The following CPNE4 variants were observed in gnomAD, a reference collection of about 807,000 sequenced individuals.
CPNE4 encodes copine-4.
CPNE4 carries 25 observed loss-of-function variants against 67.9 expected under a neutral mutation model. That is an observed-to-expected ratio of 0.37 (90% CI 0.27 to 0.51). The LOEUF is 0.51. Among genes scored for constraint, CPNE4 ranks in the 20% least tolerant of loss-of-function variants. The probability of loss-of-function intolerance (pLI) is 0.93; values close to 1 mark genes in which losing one functional copy is unlikely to be tolerated. For missense variants in CPNE4, 464 were observed against 690.8 expected (o/e 0.67, Z 3.68); for synonymous variants, 242 against 244.9 (o/e 0.99, Z 0.11).
chr3:131,868,804 T>C (rs1215778029), intron 2 of CPNE4, among the ~76,000 whole-genome samples: 1 of 152,070 alleles, frequency 6.6e-6, no homozygotes, highest in Non-Finnish European at 1.5e-5. Context: ...GATTAGAACA[T>C]CGCAGGAGTA....
At chr3:131,956,151 TTA>T (rs964049785) in intron 1 of CPNE4, among the ~76,000 whole-genome samples, 3 of 152,222 alleles carry the variant, frequency 2.0e-5, no homozygotes, top group Admixed American at 1.3e-4. Context: ...ATTTATGGTC[TTA>T]AATAAGATCA....
chr3:131,647,811 G>A (rs2079703275), intron 7 of CPNE4, among the ~76,000 whole-genome samples: 1 of 151,936 alleles, frequency 6.6e-6, no homozygotes, highest in Admixed American at 6.6e-5. Flanking sequence ...CTGGTCTCTG[G>A]GCAATAACAT....
chr3:131,642,854 TA>T (rs2079573044), intron 7 of CPNE4, among the ~76,000 whole-genome samples: 1 of 152,214 alleles, frequency 6.6e-6, no homozygotes, highest in Non-Finnish European at 1.5e-5. Flanking sequence ...CTTTCCTTTA[TA>T]AATAACCCTG....
chr3:131,834,353 G>A (rs2085480656), intron 2 of CPNE4, among the ~76,000 whole-genome samples: 1 of 152,160 alleles, frequency 6.6e-6, no homozygotes, highest in Non-Finnish European at 1.5e-5. Context: ...ATTGGTGAGG[G>A]AGGGGTAGAA....
intron 1 of CPNE4, among the ~76,000 whole-genome samples, chr3:131,924,619 T>C (rs145285894): frequency 6.6e-6 from 1 of 152,148 alleles, no homozygotes; most frequent in Non-Finnish European, 1.5e-5. Flanking sequence ...TTTTTAAAAA[T>C]TCCTTAGGCT....
chr3:131,713,520 A>G (rs2081610205), intron 3 of CPNE4, among the ~76,000 whole-genome samples: 2 of 152,208 alleles, frequency 1.3e-5, no homozygotes. Context: ...AAAGAGATGA[A>G]TGAGAATCAT....
intron 7 of CPNE4, among the ~76,000 whole-genome samples, chr3:131,635,495 A>G (rs1395507239): frequency 6.6e-6 from 1 of 152,196 alleles, no homozygotes. Flanking sequence ...AGCTCTTTAA[A>G]TGTAAATTCA....
intron 2 of CPNE4, among the ~76,000 whole-genome samples, chr3:131,879,617 T>C (rs1212578591): frequency 6.6e-6 from 1 of 151,956 alleles, no homozygotes; most frequent in African/African-American, 2.4e-5. Flanking sequence ...TCAAAGCCCA[T>C]CGGCCCCCTA....
intron 11 of CPNE4, among the ~76,000 whole-genome samples, chr3:131,561,886 G>A (rs1936789297): frequency 6.6e-6 from 1 of 152,006 alleles, no homozygotes; most frequent in African/African-American, 2.4e-5. Flanking sequence ...TGAGCAGCTT[G>A]CAATACACAT....
chr3:131,556,149 A>G (rs1401961613), intron 11 of CPNE4, among the ~76,000 whole-genome samples: 2 of 151,968 alleles, frequency 1.3e-5, no homozygotes, highest in East Asian at 3.9e-4. Flanking sequence ...CGAGGTGGGT[A>G]GATCACTTGA....
At chr3:131,849,625 C>A (rs537816771) in intron 2 of CPNE4, among the ~76,000 whole-genome samples, 2 of 152,076 alleles carry the variant, frequency 1.3e-5, no homozygotes, top group Non-Finnish European at 2.9e-5. Flanking sequence ...CAAATCCAAA[C>A]GATATCAGAA....
At chr3:131,634,415 T>C (rs2079321677) in intron 7 of CPNE4, among the ~76,000 whole-genome samples, 2 of 152,166 alleles carry the variant, frequency 1.3e-5, no homozygotes, top group Admixed American at 6.5e-5. Flanking sequence ...TCAGAATCAA[T>C]GAAGAAAGTA....
intron 1 of CPNE4, among the ~76,000 whole-genome samples, chr3:131,956,927 T>C (rs973277168): frequency 1.3e-5 from 2 of 152,238 alleles, no homozygotes; most frequent in African/African-American, 2.4e-5. Flanking sequence ...CATTTTATCA[T>C]AACTTGCTGA....
chr3:131,591,076 C>T (rs1938495018), intron 7 of CPNE4, among the ~76,000 whole-genome samples: 1 of 152,178 alleles, frequency 6.6e-6, no homozygotes, highest in African/African-American at 2.4e-5. Flanking sequence ...ATTTTTCTCT[C>T]TTTGTGCCAG....
chr3:131,890,226 T>G (rs2088056376), intron 2 of CPNE4, among the ~76,000 whole-genome samples: 1 of 151,854 alleles, frequency 6.6e-6, no homozygotes, highest in Non-Finnish European at 1.5e-5. Flanking sequence ...AATAAACTCA[T>G]AAAACACAAT....
intron 1 of CPNE4, among the ~76,000 whole-genome samples, chr3:132,032,168 C>A (rs1218553651): frequency 6.6e-6 from 1 of 152,156 alleles, no homozygotes; most frequent in East Asian, 1.9e-4. Flanking sequence ...ACTTAAGAAA[C>A]AACTCAGAGC....
chr3:131,632,438 C>T (rs2079254645), intron 7 of CPNE4, among the ~76,000 whole-genome samples: 1 of 152,126 alleles, frequency 6.6e-6, no homozygotes, highest in South Asian at 2.1e-4. Flanking sequence ...GTAACAGCGT[C>T]AGACTTTTGC....
rs144880890 is a variant in CPNE4, at chr3:132,012,780, G to A, written c.-2+21787C>T. Among the ~76,000 whole-genome samples, 398 of 152,250 alleles carry A rather than the reference G, an allele frequency of 2.6e-3. 1 individual carries two copies. Among genetic ancestry groups the A allele is most frequent in the Non-Finnish European group, 4.7e-3 (322 of 68,026 alleles). ...GGATGCTTCATTCTAAGATATATCCGAACACTAGCTTCCATGGCATCTGTC... is the reference window on the plus strand; with the variant it reads ...GGATGCTTCATTCTAAGATATATCCAAACACTAGCTTCCATGGCATCTGTC... On this transcript the variant is annotated intron_variant, in intron 1 of 15. Coordinates refer to ENST00000429747, the MANE Select transcript of CPNE4 (RefSeq NM_130808.3).
At chr3:131,684,473 C>CT (rs1294556173) in intron 6 of CPNE4, among the ~76,000 whole-genome samples, 1 of 152,100 alleles carries the variant, frequency 6.6e-6, no homozygotes, top group African/African-American at 2.4e-5. Flanking sequence ...TTATTAAACA[C>CT]TTTTTTTAGA....
Sources: gnomAD v4.1 joint callset for allele counts (sites outside exome capture counted in the v4.1 genomes callset) on GRCh38, gnomAD v4.1.1 for gene constraint, MANE v1.5 for transcripts, NCBI Gene and HGNC (gene_info 2026-07-23, HGNC 2026-07-21) for gene names.